Variants in DOK6 observed in about 807,000 individuals in gnomAD.
DOK6 encodes downstream of tyrosine kinase 6.
Under a neutral mutation model 44.0 loss-of-function variants are expected in DOK6, and 22 were observed. That is an observed-to-expected ratio of 0.50 (90% CI 0.36 to 0.71). The LOEUF is 0.71. Among genes scored for constraint, DOK6 ranks in the 30% least tolerant of loss-of-function variants. The pLI, the probability that DOK6 is intolerant of heterozygous loss-of-function variation, is 0.00. For missense variants in DOK6, 340 were observed against 416.4 expected, an observed-to-expected ratio of 0.82 and a Z score of 1.60; for synonymous variants, 166 against 145.5, an observed-to-expected ratio of 1.14 and a Z score of -1.01.
At chr18:69,710,454 G>A (rs1332071647) in intron 5 of DOK6, among the ~76,000 whole-genome samples, 1 of 152,174 alleles carries the variant, frequency 6.6e-6, no homozygotes, top group Non-Finnish European at 1.5e-5. Context: ...TCACAGTGCT[G>A]CAAAAACACA....
chr18:69,639,429 G>A (rs2144652914), intron 3 of DOK6, among the ~76,000 whole-genome samples: 1 of 152,314 alleles, frequency 6.6e-6, no homozygotes, highest in South Asian at 2.1e-4. Flanking sequence ...GAGGAAGGGA[G>A]GGCTCCTGAG....
At chr18:69,598,194 G>A (rs933012233) in intron 2 of DOK6, among the ~76,000 whole-genome samples, 1 of 151,406 alleles carries the variant, frequency 6.6e-6, no homozygotes, top group African/African-American at 2.4e-5. Context: ...ATTTCCTTAG[G>A]AAAATAGATC....
At chr18:69,625,757 A>G (rs1984544168) in intron 3 of DOK6, among the ~76,000 whole-genome samples, 1 of 152,234 alleles carries the variant, frequency 6.6e-6, no homozygotes, top group Non-Finnish European at 1.5e-5. Flanking sequence ...ATATTCACAT[A>G]AAATATTGGA....
chr18:69,821,799 T>TAAAAA (rs1555673048), intron 7 of DOK6, among the ~76,000 whole-genome samples: 32 of 149,352 alleles, frequency 2.1e-4, no homozygotes, highest in African/African-American at 7.4e-4. Context: ...TTTTTTTTTT[T>TAAAAA]AAAAAAAATC....
intron 3 of DOK6, among the ~76,000 whole-genome samples, chr18:69,664,167 A>G (rs531328103): frequency 6.6e-6 from 1 of 152,202 alleles, no homozygotes; most frequent in Non-Finnish European, 1.5e-5. Flanking sequence ...TGTAGTTTTA[A>G]AAAGTAACCA....
intron 2 of DOK6, among the ~76,000 whole-genome samples, chr18:69,589,003 T>A (rs1277289474): frequency 6.6e-6 from 1 of 152,082 alleles, no homozygotes; most frequent in Non-Finnish European, 1.5e-5. Context: ...TTGATTTCTT[T>A]TTTTGTACAC....
At chr18:69,450,980 G>A (rs1164009778) in intron 1 of DOK6, among the ~76,000 whole-genome samples, 1 of 147,606 alleles carries the variant, frequency 6.8e-6, no homozygotes, top group Non-Finnish European at 1.5e-5. Context: ...AGACCATCGA[G>A]ACTAGGAAGA....
chr18:69,680,788 G>A (rs1359594520), intron 4 of DOK6, among the ~76,000 whole-genome samples: 1 of 152,144 alleles, frequency 6.6e-6, no homozygotes, highest in South Asian at 2.1e-4. Flanking sequence ...CCGTCAACTT[G>A]GACCCTCCCA....
At chr18:69,572,173 A>G (rs1436727022) in intron 2 of DOK6, among the ~76,000 whole-genome samples, 3 of 152,134 alleles carry the variant, frequency 2.0e-5, no homozygotes, top group African/African-American at 7.2e-5. Flanking sequence ...AAGATAGCAA[A>G]AATAGATTGC....
intron 6 of DOK6, among the ~76,000 whole-genome samples, chr18:69,746,075 C>T (rs1978974944): frequency 6.6e-6 from 1 of 152,020 alleles, no homozygotes; most frequent in Admixed American, 6.6e-5. Flanking sequence ...ATGTGTCTTA[C>T]TTACAAATAG....
At chr18:69,634,277 C>G (rs1461130262) in intron 3 of DOK6, among the ~76,000 whole-genome samples, 1 of 152,176 alleles carries the variant, frequency 6.6e-6, no homozygotes, top group Non-Finnish European at 1.5e-5. Context: ...ATGAAGGTCA[C>G]ATGAAATTTT....
At chr18:69,609,389 G>A (rs984723084) in intron 3 of DOK6, among the ~76,000 whole-genome samples, 6 of 151,918 alleles carry the variant, frequency 3.9e-5, no homozygotes, top group Non-Finnish European at 8.8e-5. Context: ...TGTATGAAAG[G>A]TGCTCTGAAC....
At chr18:69,454,689 G>C (rs1451987995) in intron 1 of DOK6, among the ~76,000 whole-genome samples, 6 of 127,770 alleles carry the variant, frequency 4.7e-5, no homozygotes, top group Non-Finnish European at 5.1e-5. Flanking sequence ...ACTGGATTAA[G>C]AAAATGTGGC....
intron 7 of DOK6, among the ~76,000 whole-genome samples, chr18:69,773,992 T>C (rs1358660721): frequency 6.7e-6 from 1 of 149,794 alleles, no homozygotes; most frequent in Non-Finnish European, 1.5e-5. Context: ...CAATTTATAA[T>C]TGAATGTGGA....
chr18:69,601,531 G>C (rs1309790435), intron 3 of DOK6, among the ~76,000 whole-genome samples: 2 of 152,094 alleles, frequency 1.3e-5, no homozygotes, highest in African/African-American at 4.8e-5. Flanking sequence ...AGAGGACCAG[G>C]GTGTTCAGAC....
intron 1 of DOK6, among the ~76,000 whole-genome samples, chr18:69,445,133 G>A (rs939367474): frequency 5.9e-5 from 9 of 151,612 alleles, no homozygotes; most frequent in Admixed American, 1.3e-4. Context: ...TAATTGCTAC[G>A]GCATGGAAAT....
intron 7 of DOK6, among the ~76,000 whole-genome samples, chr18:69,839,330 C>G (rs907259575): frequency 3.4e-5 from 5 of 148,822 alleles, no homozygotes; most frequent in Non-Finnish European, 7.5e-5. Context: ...TAGCTCCTCC[C>G]ATAACTCCTC....
chr18:69,502,838 A>G (rs149548014), intron 1 of DOK6, among the ~76,000 whole-genome samples: 283 of 152,228 alleles, frequency 1.9e-3, no homozygotes, highest in African/African-American at 6.3e-3. Context: ...GGTCTTCAAG[A>G]GATGTTAGAC....
chr18:69,499,119 A>G (rs561987728), intron 1 of DOK6, among the ~76,000 whole-genome samples: 2 of 152,254 alleles, frequency 1.3e-5, no homozygotes, highest in African/African-American at 4.8e-5. Context: ...TATGCTGAAC[A>G]CAATTTTCAG....
Sources: allele counts gnomAD v4.1 joint callset (sites outside exome capture counted in the v4.1 genomes callset), GRCh38; gene constraint gnomAD v4.1.1; transcripts MANE v1.5; gene names NCBI Gene and HGNC (gene_info 2026-07-23, HGNC 2026-07-21).